Variants in CYP2J2 observed in about 807,000 individuals in gnomAD.
CYP2J2 encodes cytochrome P450 family 2 subfamily J member 2.
A neutral mutation model predicts 48.8 loss-of-function variants in CYP2J2; 41 were observed. That is an observed-to-expected ratio of 0.84 (90% confidence interval 0.66 to 1.09). The LOEUF is 1.09. Ranked by LOEUF, CYP2J2 falls within the 50% of genes least tolerant of loss-of-function variation. The pLI is 0.00. For missense variants in CYP2J2, 644 were observed against 617.3 expected (o/e 1.04, Z -0.46); for synonymous variants, 221 against 227.1 (o/e 0.97, Z 0.24).
chr1:59,950,589 C>G, the CYP2J2 span, among the ~76,000 whole-genome samples: 1 of 152,188 alleles, frequency 6.6e-6, no homozygotes, highest in South Asian at 2.1e-4. Context: ...GATAGTTAGG[C>G]TGTTTACAAT....
At chr1:59,915,819 A>T (rs200013366) in intron 2 of CYP2J2, 119 bp downstream of exon 2, 10 of 873,636 alleles carry the variant, frequency 1.1e-5, no homozygotes, top group Middle Eastern at 2.5e-4. Context: ...TAGTGGCAGG[A>T]AGTTTATTAT....
chr1:59,949,433 T>A, the CYP2J2 span, among the ~76,000 whole-genome samples: 1 of 152,226 alleles, frequency 6.6e-6, no homozygotes, highest in Admixed American at 6.5e-5. Context: ...TATTTTTTAG[T>A]GTATTGTATA....
the CYP2J2 span, among the ~76,000 whole-genome samples, chr1:59,933,989 A>G: frequency 1.3e-5 from 2 of 152,190 alleles, no homozygotes; most frequent in South Asian, 4.1e-4. Flanking sequence ...ATTCCAAAAC[A>G]TTACAAACTA....
the CYP2J2 span, among the ~76,000 whole-genome samples, chr1:59,931,925 A>G: frequency 6.6e-6 from 1 of 152,154 alleles, no homozygotes; most frequent in Non-Finnish European, 1.5e-5. Context: ...GTGATCTTAC[A>G]TCTTCTTCCA....
At chr1:59,923,446 AAC>A (rs1313739638) in intron 1 of CYP2J2, among the ~76,000 whole-genome samples, 3 of 152,244 alleles carry the variant, frequency 2.0e-5, no homozygotes, top group African/African-American at 7.2e-5. Context: ...GAATCAAGAG[AAC>A]ATCAATTGAG....
the CYP2J2 span, among the ~76,000 whole-genome samples, chr1:59,940,302 C>A: frequency 4.6e-5 from 7 of 152,280 alleles, no homozygotes; most frequent in African/African-American, 1.7e-4. Flanking sequence ...GACTCCTGGA[C>A]TGGATCTTTC....
chr1:59,964,896 G>A, the CYP2J2 span, among the ~76,000 whole-genome samples: 2 of 152,272 alleles, frequency 1.3e-5, no homozygotes, highest in Admixed American at 6.5e-5. Context: ...ATATTGGGAG[G>A]AGGCAGGAGT....
chr1:59,954,267 C>T, the CYP2J2 span, among the ~76,000 whole-genome samples: 3 of 152,128 alleles, frequency 2.0e-5, no homozygotes, highest in South Asian at 6.2e-4. Flanking sequence ...TGCTTTGCTG[C>T]ACAACTAAGT....
At chr1:59,950,369 G>A in the CYP2J2 span, among the ~76,000 whole-genome samples, 1 of 152,154 alleles carries the variant, frequency 6.6e-6, no homozygotes, top group Non-Finnish European at 1.5e-5. Context: ...GCTTCCCAGA[G>A]CTCTTCATAT....
chr1:59,935,027 T>TATATATATATATATATAC, the CYP2J2 span, among the ~76,000 whole-genome samples: 17 of 100,140 alleles, frequency 1.7e-4, 1 homozygote, highest in East Asian at 7.8e-4. Context: ...TATATATATA[T>TATATATATATATATATAC]ATATATATAT....
chr1:59,894,000 A>G (rs1340949375), intron 8 of CYP2J2, among the ~76,000 whole-genome samples, 171 bp from the exon 9 acceptor site: 1 of 152,170 alleles, frequency 6.6e-6, no homozygotes, highest in Non-Finnish European at 1.5e-5. Context: ...TGGGTTCATC[A>G]ATGCATAGAA....
At chr1:59,959,349 G>A in the CYP2J2 span, among the ~76,000 whole-genome samples, 1 of 152,102 alleles carries the variant, frequency 6.6e-6, no homozygotes, top group Non-Finnish European at 1.5e-5. Context: ...AAAACAGTGT[G>A]TAGATTCCTT....
intron 1 of CYP2J2, among the ~76,000 whole-genome samples, chr1:59,917,277 C>T (rs1644474670): frequency 6.6e-6 from 1 of 152,048 alleles, no homozygotes; most frequent in Admixed American, 6.5e-5. Flanking sequence ...TGCAGAGGGC[C>T]GTGGATGCAT....
At chr1:59,924,411 C>T (rs1397502867) in intron 1 of CYP2J2, among the ~76,000 whole-genome samples, 2 of 152,054 alleles carry the variant, frequency 1.3e-5, no homozygotes, top group Non-Finnish European at 2.9e-5. Flanking sequence ...GACTATTATT[C>T]TCTTGAGTTT....
chr1:59,918,668 A>G (rs1298680333), intron 1 of CYP2J2, among the ~76,000 whole-genome samples: 1 of 151,400 alleles, frequency 6.6e-6, no homozygotes, highest in African/African-American at 2.4e-5. Context: ...TAAATGAGCC[A>G]CGAAAAAAAA....
At chr1:59,954,040 G>A in the CYP2J2 span, among the ~76,000 whole-genome samples, 1 of 152,148 alleles carries the variant, frequency 6.6e-6, no homozygotes, top group East Asian at 1.9e-4. Context: ...AATAAAATGT[G>A]AGAAGTAACA....
the CYP2J2 span, among the ~76,000 whole-genome samples, chr1:59,966,132 T>C: frequency 1.3e-4 from 20 of 152,224 alleles, no homozygotes; most frequent in African/African-American, 4.6e-4. Flanking sequence ...CCACTTGTCC[T>C]GTCATTAGTT....
intron 3 of CYP2J2, 126 bp from the exon 4 acceptor site, chr1:59,911,894 G>T: frequency 3.1e-6 from 3 of 978,326 alleles, no homozygotes; most frequent in Non-Finnish European, 4.6e-6. Flanking sequence ...CTGGCCACAT[G>T]ACCTTACACT....
At chr1:59,968,965 G>A in the CYP2J2 span, among the ~76,000 whole-genome samples, 1 of 152,094 alleles carries the variant, frequency 6.6e-6, no homozygotes, top group Non-Finnish European at 1.5e-5. Flanking sequence ...ATGTGGTCTC[G>A]CTGGCTCAGG....
Sources: allele counts gnomAD v4.1 joint callset (sites outside exome capture counted in the v4.1 genomes callset), GRCh38; gene constraint gnomAD v4.1.1; transcripts MANE v1.5; gene names NCBI Gene and HGNC (gene_info 2026-07-23, HGNC 2026-07-21).